The following TUSC3 variants were observed in gnomAD, a reference collection of about 807,000 sequenced individuals.
The protein encoded by TUSC3 is dolichyl-diphosphooligosaccharide--protein glycosyltransferase subunit TUSC3.
In TUSC3, 45 loss-of-function variants were observed where a neutral mutation model predicts 44.8. The observed-to-expected ratio is 1.00, with a 90% confidence interval of 0.79 to 1.29. TUSC3 has a LOEUF of 1.29. Among genes scored for constraint, TUSC3 ranks in the 50% most tolerant of loss-of-function variants. TUSC3 has a pLI of 0.00. For missense variants in TUSC3, 519 were observed against 437.9 expected (o/e 1.19, Z -1.65); for synonymous variants, 212 against 152.9 (o/e 1.39, Z -2.85).
At chr8:15,582,975 C>A (rs193301285) in intron 1 of TUSC3, among the ~76,000 whole-genome samples, 2 of 152,288 alleles carry the variant, frequency 1.3e-5, no homozygotes, top group East Asian at 3.9e-4. Flanking sequence ...TCAAATCTTA[C>A]ATTTAGAGAT....
chr8:15,524,392 C>T (rs1801345197), intron 2 of TUSC3, among the ~76,000 whole-genome samples: 1 of 152,042 alleles, frequency 6.6e-6, no homozygotes, highest in African/African-American at 2.4e-5. Context: ...TAAATAATTC[C>T]TAAATTCATT....
chr8:15,750,245 C>G (rs1177572027), intron 9 of TUSC3, among the ~76,000 whole-genome samples: 1 of 152,026 alleles, frequency 6.6e-6, no homozygotes, highest in African/African-American at 2.4e-5. Flanking sequence ...TCCCAAAGTG[C>G]TGGGATTACA....
chr8:15,485,592 C>T (rs1284852001), intron 2 of TUSC3, among the ~76,000 whole-genome samples: 3 of 151,626 alleles, frequency 2.0e-5, no homozygotes, highest in Admixed American at 1.3e-4. Flanking sequence ...GATACCTAAT[C>T]ATGGGTACTT....
At chr8:15,508,315 T>C (rs1019777988) in intron 2 of TUSC3, among the ~76,000 whole-genome samples, 1 of 152,114 alleles carries the variant, frequency 6.6e-6, no homozygotes, top group African/African-American at 2.4e-5. Context: ...AAAATTTTGT[T>C]GGATGTGATA....
chr8:15,526,474 G>C (rs1466572273), intron 2 of TUSC3, among the ~76,000 whole-genome samples: 1 of 152,142 alleles, frequency 6.6e-6, no homozygotes, highest in Non-Finnish European at 1.5e-5. Flanking sequence ...CACACATTGT[G>C]GGAGGGACCC....
chr8:15,846,938 G>A, the TUSC3 span, among the ~76,000 whole-genome samples: 2 of 151,396 alleles, frequency 1.3e-5, no homozygotes, highest in Non-Finnish European at 2.9e-5. Flanking sequence ...TTCATAATAG[G>A]TGTTTCTTGT....
chr8:15,754,555 C>A (rs1811843359), intron 9 of TUSC3, among the ~76,000 whole-genome samples: 1 of 152,090 alleles, frequency 6.6e-6, no homozygotes, highest in African/African-American at 2.4e-5. Context: ...AGTGAAAATG[C>A]ACATTTGAAC....
intron 7 of TUSC3, among the ~76,000 whole-genome samples, chr8:15,732,480 T>C (rs1469767708): frequency 6.6e-6 from 1 of 152,198 alleles, no homozygotes; most frequent in African/African-American, 2.4e-5. Flanking sequence ...TTTGTTTCTT[T>C]ATAAATTACC....
chr8:15,493,109 T>C (rs993704117), intron 2 of TUSC3, among the ~76,000 whole-genome samples: 1 of 152,100 alleles, frequency 6.6e-6, no homozygotes, highest in African/African-American at 2.4e-5. Context: ...TCCTGCAAGG[T>C]AGATATTATT....
chr8:15,511,842 G>C lies in TUSC3; in HGVS notation n.189+28359G>C, dbSNP rs1008027315. 2.0e-5 allele frequency among the ~76,000 whole-genome samples: 3 copies of C among 151,016 alleles called. No homozygotes were observed. The South Asian group carries it at 6.3e-4, about 32-fold the overall frequency. On this transcript the variant is annotated intron_variant and non_coding_transcript_variant, in intron 2 of 5. Coordinates refer to the TUSC3 transcript ENST00000503191. ...GCCAAGATTGCGCCACTGTACTCCA[G>C]CCTGGGCGACAGAGCAAGACAGTCT...
intron 1 of TUSC3, among the ~76,000 whole-genome samples, chr8:15,465,900 C>G (rs1195689157): frequency 6.6e-6 from 1 of 152,124 alleles, no homozygotes; most frequent in Non-Finnish European, 1.5e-5. Flanking sequence ...CTGTCACAAT[C>G]AACTTAGCGG....
chr8:15,549,652 C>T (rs1181572940), intron 1 of TUSC3, among the ~76,000 whole-genome samples: 1 of 151,376 alleles, frequency 6.6e-6, no homozygotes, highest in Non-Finnish European at 1.5e-5. Flanking sequence ...ACGGGGCCTC[C>T]CTTAAGGAAG....
downstream of TUSC3, among the ~76,000 whole-genome samples, chr8:15,769,263 T>C (rs749560823): frequency 1.3e-5 from 2 of 152,108 alleles, no homozygotes; most frequent in African/African-American, 4.8e-5. Flanking sequence ...AACAGAGGCC[T>C]CAGAAATAAT....
intron 1 of TUSC3, among the ~76,000 whole-genome samples, chr8:15,424,533 C>A (rs112931558): frequency 6.6e-6 from 1 of 152,084 alleles, no homozygotes; most frequent in African/African-American, 2.4e-5. Flanking sequence ...ATCTGCCCAC[C>A]GCAGCAGACC....
At chr8:15,684,344 G>T (rs1808539798) in intron 6 of TUSC3, among the ~76,000 whole-genome samples, 1 of 152,210 alleles carries the variant, frequency 6.6e-6, no homozygotes, top group South Asian at 2.1e-4. Context: ...GTTCACTGGT[G>T]GTCTGGTGAT....
At chr8:15,843,631 TACAC>T in the TUSC3 span, among the ~76,000 whole-genome samples, 5 of 148,322 alleles carry the variant, frequency 3.4e-5, no homozygotes, top group African/African-American at 1.3e-4. Context: ...TACACGCACA[TACAC>T]ATATATACAT....
chr8:15,792,914 C>G, the TUSC3 span, among the ~76,000 whole-genome samples: 2 of 152,022 alleles, frequency 1.3e-5, no homozygotes, highest in Non-Finnish European at 2.9e-5. Context: ...TCACCATGCC[C>G]GACCACCTAC....
intron 6 of TUSC3, among the ~76,000 whole-genome samples, chr8:15,720,201 T>TACACACACACACACACACACAC (rs60082069): frequency 4.9e-5 from 7 of 141,704 alleles, no homozygotes; most frequent in African/African-American, 2.7e-5. Flanking sequence ...TATATATATA[T>TACACACACACACACACACACAC]ACACACACAC....
intron 1 of TUSC3, among the ~76,000 whole-genome samples, chr8:15,470,105 CA>C (rs58643782): frequency 2.8e-4 from 40 of 142,910 alleles, no homozygotes; most frequent in Middle Eastern, 3.6e-3. Flanking sequence ...AAAAAATTAA[CA>C]AAAAAAAAAA....
Sources: allele counts gnomAD v4.1 joint callset (sites outside exome capture counted in the v4.1 genomes callset), GRCh38; gene constraint gnomAD v4.1.1; transcripts MANE v1.5; gene names NCBI Gene and HGNC (gene_info 2026-07-23, HGNC 2026-07-21).